Variants in ARHGEF4 observed in about 807,000 individuals in gnomAD.
ARHGEF4 encodes the protein APC-stimulated guanine nucleotide exchange factor 1.
ARHGEF4 carries 119 observed loss-of-function variants against 162.0 expected under a neutral mutation model. The observed-to-expected ratio is 0.73, with a 90% CI of 0.63 to 0.86. The LOEUF is 0.86. Among genes scored for constraint, ARHGEF4 ranks in the 40% least tolerant of loss-of-function variants. The probability of loss-of-function intolerance (pLI) is 0.00; values close to 1 mark genes in which losing one functional copy is unlikely to be tolerated. For synonymous variants in ARHGEF4, 1,014 were observed against 979.9 expected (o/e 1.03, Z -0.65); for missense variants, 2,488 against 2,456.0 (o/e 1.01, Z -0.28).
rs964197060 is a variant in ARHGEF4, at chr2:130,914,691, A to G, written c.745A>G (p.Arg249Gly). 2.9e-5 allele frequency: 40 copies of G among 1,394,496 alleles called. No individual in the cohort carries two copies. Among genetic ancestry groups the G allele is most frequent in the Middle Eastern group, 5.2e-4 (2 of 3,814 alleles). The allele number at this position is 1,394,496 out of a possible 1,614,324, so 86.4% of individuals were successfully genotyped here. A position where few individuals can be genotyped will look rare whatever the true frequency, so the allele number is the denominator to read the frequency against. ...RSWPHIHNRA[R>G]ALVLPSRGPL... ...TTGGCCACATATCCACAACAGGGCCAGGGCACTGGTGCTACCTAGCAGAGG... is the reference window on the plus strand; with the variant it reads ...TTGGCCACATATCCACAACAGGGCCGGGGCACTGGTGCTACCTAGCAGAGG... Residue 249 changes from arginine (R) to glycine (G), a missense_variant, in exon 2 of 14, where the codon AGG (arginine) becomes GGG (glycine). Coordinates refer to ENST00000409359, the MANE Select transcript of ARHGEF4 (RefSeq NM_001367493.1).
chr2:130,977,519 G>A (rs918035685), intron 4 of ARHGEF4, among the ~76,000 whole-genome samples: 3 of 151,816 alleles, frequency 2.0e-5, no homozygotes, highest in Non-Finnish European at 4.4e-5. Context: ...TGTATGTTGT[G>A]CATGTGTGGT....
chr2:130,912,656 G>C (rs1222845421), intron 1 of ARHGEF4, among the ~76,000 whole-genome samples: 1 of 152,118 alleles, frequency 6.6e-6, no homozygotes, highest in African/African-American at 2.4e-5. Flanking sequence ...TGAGCAATGG[G>C]GCTGAGTGCT....
chr2:130,898,839 C>A (rs1490550669), intron 1 of ARHGEF4, among the ~76,000 whole-genome samples: 1 of 152,120 alleles, frequency 6.6e-6, no homozygotes, highest in South Asian at 2.1e-4. Flanking sequence ...CAGTGACAGA[C>A]AGATTGTAGT....
At chr2:130,941,345 G>A (rs1226177593) in intron 3 of ARHGEF4, among the ~76,000 whole-genome samples, 3 of 151,448 alleles carry the variant, frequency 2.0e-5, no homozygotes, top group African/African-American at 2.4e-5. Flanking sequence ...CTAGGATTAC[G>A]GGTGCATGCC....
intron 6 of ARHGEF4, 140 bp from the exon 7 acceptor site, chr2:131,039,876 G>A: frequency 7.0e-7 from 1 of 1,429,332 alleles, no homozygotes; most frequent in African/African-American, 1.5e-5. Context: ...GTGGTGGGGG[G>A]AGCTGGCCGG....
rs150651840 is a variant in ARHGEF4, at chr2:130,906,142, A to G, written c.40-7844A>G. Among the ~76,000 whole-genome samples the G allele has an allele frequency of 2.2e-3, 334 of 152,280 alleles. 1 individual carries two copies. Among genetic ancestry groups the G allele is most frequent in the Admixed American group, 3.5e-3 (53 of 15,286 alleles). The stretch of plus-strand genomic sequence containing the variant: ...CAATTCCATATTTTTTGGCACCACA[A>G]TGTGCTCCAGGTTCACCTTCTATTT... On this transcript the variant is annotated intron_variant, in intron 1 of 13. Transcript: ENST00000409359.
intron 1 of ARHGEF4, among the ~76,000 whole-genome samples, chr2:130,900,407 AG>A (rs1680417905): frequency 6.6e-6 from 1 of 152,004 alleles, no homozygotes; most frequent in Admixed American, 6.6e-5. Flanking sequence ...ACATATTTTA[AG>A]GTTGTTAGAT....
rs571642411 is a variant in ARHGEF4, at chr2:130,860,666, C to G, written c.39+23674C>G. Among the ~76,000 whole-genome samples the G allele has an allele frequency of 4.3e-4, 51 of 118,344 alleles. 14 individuals are homozygous for G. The South Asian group carries it at 0.013, about 30-fold the overall frequency. The allele number at this position is 118,344 out of a possible 152,430, so 77.6% of individuals were successfully genotyped here. A position where few individuals can be genotyped will look rare whatever the true frequency, so the allele number is the denominator to read the frequency against. On this transcript the variant is annotated intron_variant, in intron 1 of 13. Transcript: ENST00000409359. The stretch of plus-strand genomic sequence containing the variant: ...CGAAGCTTGCGGTGAGCCGAGATCG[C>G]GTCACTGCACTCCAGCCTGGGCGAC...
intron 10 of ARHGEF4, 41 bp downstream of exon 10, chr2:131,041,985 C>T (rs375542019): frequency 3.0e-5 from 48 of 1,594,494 alleles, no homozygotes; most frequent in Non-Finnish European, 2.8e-5. Flanking sequence ...GAGGTCTTGG[C>T]CCCTCGCTTT....
rs1173044255 is a variant in ARHGEF4 at position 130,916,159 on chromosome 2, G to A, written c.2213G>A (p.Arg738His). The A allele has an allele frequency of 1.2e-5, 18 of 1,548,868 alleles. No individual in the cohort carries two copies. Among genetic ancestry groups the A allele is most frequent in the Middle Eastern group, 1.9e-4 (1 of 5,200 alleles). ...GAGGAGCCCCCGGGAGAGAGACTGC[G>A]TGGGGAGAGCCGGAGCTCCGGGTCA... Reference protein sequence around the residue: ...STEEPPGERLRGESRSSGSGE... With the variant: ...STEEPPGERLHGESRSSGSGE... Residue 738 changes from arginine to histidine, a missense_variant, in exon 2 of 14, where the codon CGT (arginine) becomes CAT (histidine). This residue lies in a region of ARHGEF4 where 1,642 missense variants were observed against 1,481.5 expected (regional missense o/e 1.11). Transcript: ENST00000409359.
intron 4 of ARHGEF4, among the ~76,000 whole-genome samples, chr2:130,996,785 C>T (rs4516473): frequency 0.24 from 36,464 of 152,084 alleles, 4,931 homozygotes; most frequent in South Asian, 0.37. Context: ...TCCTGCATCC[C>T]CCATACCACC....
At chr2:131,039,603 C>A in intron 6 of ARHGEF4, 1 of 1,051,456 alleles carries the variant, frequency 9.5e-7, no homozygotes, top group African/African-American at 1.7e-5. Flanking sequence ...TGCCCCAGAT[C>A]CCCTGGGAAA....
At chr2:131,025,892 A>T (rs568061495) in intron 4 of ARHGEF4, among the ~76,000 whole-genome samples, 1 of 152,346 alleles carries the variant, frequency 6.6e-6, no homozygotes, top group African/African-American at 2.4e-5. Flanking sequence ...GCCCATGTGG[A>T]TAATCCAAGA....
At chr2:130,936,905 C>CTTTTTTTTTTTTTT (rs36086542) in intron 3 of ARHGEF4, among the ~76,000 whole-genome samples, 3 of 82,340 alleles carry the variant, frequency 3.6e-5, no homozygotes, top group East Asian at 3.7e-4. Flanking sequence ...TTTCTTTTTT[C>CTTTTTTTTTTTTTT]TTTTTTTTTT....
chr2:131,023,488 A>G (rs1558865265), intron 4 of ARHGEF4, among the ~76,000 whole-genome samples: 1 of 152,206 alleles, frequency 6.6e-6, no homozygotes, highest in Non-Finnish European at 1.5e-5. Flanking sequence ...ATATATGGCA[A>G]GTAAGCACAT....
At chr2:130,963,022 G>A (rs1030743563) in intron 4 of ARHGEF4, among the ~76,000 whole-genome samples, 16 of 152,122 alleles carry the variant, frequency 1.1e-4, no homozygotes, top group Non-Finnish European at 1.2e-4. Context: ...TGTCTGGGAG[G>A]GGCAGATGAA....
intron 4 of ARHGEF4, among the ~76,000 whole-genome samples, chr2:130,984,129 C>T (rs975794068): frequency 1.3e-5 from 2 of 152,142 alleles, no homozygotes; most frequent in Non-Finnish European, 2.9e-5. Flanking sequence ...ACTTCTTTTG[C>T]CCCAGTAGGT....
chr2:130,985,816 GTA>G (rs1230634093), intron 4 of ARHGEF4, among the ~76,000 whole-genome samples: 2 of 151,746 alleles, frequency 1.3e-5, no homozygotes, highest in African/African-American at 2.4e-5. Context: ...TTTTTGTTGT[GTA>G]TATGTTGTGT....
At chr2:130,901,096 G>T (rs947672978) in intron 1 of ARHGEF4, among the ~76,000 whole-genome samples, 1 of 152,096 alleles carries the variant, frequency 6.6e-6, no homozygotes, top group African/African-American at 2.4e-5. Flanking sequence ...ACTGCCACTG[G>T]GGGAGAGAAG....
Sources: gnomAD v4.1 joint callset for allele counts (sites outside exome capture counted in the v4.1 genomes callset) on GRCh38, gnomAD v4.1.1 for gene constraint, gnomAD v4.1.1 regional missense constraint, MANE v1.5 for transcripts, NCBI Gene and HGNC (gene_info 2026-07-23, HGNC 2026-07-21) for gene names.